Variants in DSCAM observed in about 807,000 individuals in gnomAD.
DSCAM encodes cell adhesion molecule DSCAM.
A neutral mutation model predicts 217.7 loss-of-function variants in DSCAM; 47 were observed. The ratio of observed to expected loss-of-function variants is 0.22; its 90% CI spans 0.17 to 0.28. DSCAM has a LOEUF of 0.28. DSCAM is among the 10% of genes least tolerant of loss of function. The pLI is 1.00. For missense variants in DSCAM, 2,080 were observed against 2,618.3 expected (o/e 0.79, Z 4.49); for synonymous variants, 1,056 against 1,015.3 (o/e 1.04, Z -0.76).
chr21:40,318,485 C>G (rs2074225242), intron 8 of DSCAM, among the ~76,000 whole-genome samples: 2 of 152,180 alleles, frequency 1.3e-5, no homozygotes, highest in Admixed American at 1.3e-4. Context: ...TGTGCCAACT[C>G]TCCCCTCTGC....
At chr21:40,683,233 T>C (rs7280452) in intron 3 of DSCAM, among the ~76,000 whole-genome samples, 1 of 152,052 alleles carries the variant, frequency 6.6e-6, no homozygotes, top group African/African-American at 2.4e-5. Context: ...ACTGTGTACA[T>C]CTAACAGGGA....
intron 3 of DSCAM, among the ~76,000 whole-genome samples, chr21:40,466,496 C>A (rs2145958866): frequency 6.6e-6 from 1 of 152,330 alleles, no homozygotes; most frequent in Middle Eastern, 3.4e-3. Context: ...TGAGTACTCA[C>A]AGTGATGGGC....
chr21:40,278,734 A>AG (rs1251736724), intron 10 of DSCAM, among the ~76,000 whole-genome samples: 20 of 151,348 alleles, frequency 1.3e-4, no homozygotes, highest in Non-Finnish European at 2.4e-4. Context: ...GAGGAGGAAG[A>AG]GAAGGAGGAG....
intron 6 of DSCAM, among the ~76,000 whole-genome samples, chr21:40,342,626 G>GTATATATATATATATATATA (rs1244685654): frequency 1.1e-5 from 1 of 94,718 alleles, no homozygotes; most frequent in Non-Finnish European, 1.9e-5. Context: ...GTGTGTGTGT[G>GTATATATATATATATATATA]TATATATATA....
At chr21:40,228,688 A>AGAAGTTCCAAGTGCTTG (rs1287040027) in intron 11 of DSCAM, among the ~76,000 whole-genome samples, 2 of 150,856 alleles carry the variant, frequency 1.3e-5, no homozygotes. Flanking sequence ...TAACTCTACA[A>AGAAGTTCCAAGTGCTTG]GAAGTTCCAA....
intron 2 of DSCAM, among the ~76,000 whole-genome samples, chr21:40,702,553 T>G (rs746297899): frequency 6.6e-6 from 1 of 152,216 alleles, no homozygotes; most frequent in Non-Finnish European, 1.5e-5. Context: ...ATGTTTCTTT[T>G]AAGCAGTGTT....
At chr21:40,422,271 G>A (rs2075431808) in intron 3 of DSCAM, among the ~76,000 whole-genome samples, 1 of 152,160 alleles carries the variant, frequency 6.6e-6, no homozygotes, top group African/African-American at 2.4e-5. Flanking sequence ...TACCCTAAAA[G>A]TCTAAAAGGT....
chr21:40,296,282 G>T, intron 9 of DSCAM, 108 bp from the exon 10 acceptor site: 1 of 1,296,466 alleles, frequency 7.7e-7, no homozygotes. Flanking sequence ...TATGAAGACT[G>T]TTTCATACAC....
intron 3 of DSCAM, among the ~76,000 whole-genome samples, chr21:40,434,838 C>T (rs1043058695): frequency 1.3e-5 from 2 of 152,162 alleles, no homozygotes; most frequent in Non-Finnish European, 2.9e-5. Flanking sequence ...AATGTACAAT[C>T]ACTGATATCT....
chr21:40,803,569 G>A (rs972074884), intron 1 of DSCAM, among the ~76,000 whole-genome samples: 6 of 152,098 alleles, frequency 3.9e-5, no homozygotes, highest in East Asian at 3.9e-4. Context: ...CTTCTCTTTC[G>A]TCTCTCAGGT....
intron 3 of DSCAM, among the ~76,000 whole-genome samples, chr21:40,456,662 TAATACAAAAATTATTGTGAATACAC>T (rs138521543): frequency 0.33 from 50,228 of 151,518 alleles, 8,500 homozygotes; most frequent in Non-Finnish European, 0.36. Context: ...CACTTCACAA[TAATACAAAAATTATTGTGAATACAC>T]AATACAAAAA....
chr21:40,437,011 C>A (rs571366453), intron 3 of DSCAM, among the ~76,000 whole-genome samples: 10 of 152,160 alleles, frequency 6.6e-5, no homozygotes, highest in African/African-American at 1.9e-4. Flanking sequence ...TAGTGTGTTA[C>A]ACTTACTGCA....
intron 4 of DSCAM, among the ~76,000 whole-genome samples, chr21:40,355,114 C>G (rs965080267): frequency 5.3e-5 from 8 of 152,056 alleles, no homozygotes; most frequent in Middle Eastern, 3.4e-3. Flanking sequence ...AACACATTAG[C>G]AAGCAAATAA....
intron 15 of DSCAM, among the ~76,000 whole-genome samples, chr21:40,174,441 C>T (rs2090698805): frequency 6.6e-6 from 1 of 152,040 alleles, no homozygotes; most frequent in Non-Finnish European, 1.5e-5. Context: ...ACTCAAATTC[C>T]CATGGTGGCC....
chr21:40,568,804 C>T (rs1297096845), intron 3 of DSCAM, among the ~76,000 whole-genome samples: 2 of 152,134 alleles, frequency 1.3e-5, no homozygotes, highest in East Asian at 3.8e-4. Flanking sequence ...GTGAGAGAGG[C>T]CCCAGGAGCT....
chr21:40,565,054 G>A (rs2076754205), intron 3 of DSCAM, among the ~76,000 whole-genome samples: 2 of 152,178 alleles, frequency 1.3e-5, no homozygotes, highest in African/African-American at 4.8e-5. Context: ...GCCATGTTGT[G>A]AAGACAACAA....
chr21:40,296,731 G>T (rs61349484), intron 9 of DSCAM, among the ~76,000 whole-genome samples: 29,970 of 150,994 alleles, frequency 0.2, 5,752 homozygotes, highest in African/African-American at 0.5. Flanking sequence ...CTCAGGAGGC[G>T]GAGGCTGGAG....
chr21:40,669,376 A>C (rs1266058118), intron 3 of DSCAM, among the ~76,000 whole-genome samples: 1 of 152,170 alleles, frequency 6.6e-6, no homozygotes, highest in Non-Finnish European at 1.5e-5. Flanking sequence ...AAGAGTAATT[A>C]GTACTTGGAT....
chr21:40,657,796 G>A (rs944022413), intron 3 of DSCAM, among the ~76,000 whole-genome samples: 1 of 152,130 alleles, frequency 6.6e-6, no homozygotes, highest in Non-Finnish European at 1.5e-5. Flanking sequence ...GTTGGATACC[G>A]ATGAATAACT....
Sources: gnomAD v4.1 joint callset for allele counts (sites outside exome capture counted in the v4.1 genomes callset) on GRCh38, gnomAD v4.1.1 for gene constraint, MANE v1.5 for transcripts, NCBI Gene and HGNC (gene_info 2026-07-23, HGNC 2026-07-21) for gene names.